Variants in ADAMTS6 observed in about 807,000 individuals in gnomAD.
ADAMTS6 encodes the protein A disintegrin and metalloproteinase with thrombospondin motifs 6.
In ADAMTS6, 23 loss-of-function variants were observed where a neutral mutation model predicts 144.3. The observed-to-expected ratio is 0.16, with a 90% CI of 0.11 to 0.23. The LOEUF is 0.23. ADAMTS6 is among the 10% of genes least tolerant of loss of function. The pLI, the probability that ADAMTS6 is intolerant of heterozygous loss-of-function variation, is 1.00. For synonymous variants in ADAMTS6, 444 were observed against 457.5 expected (o/e 0.97, Z 0.38); for missense variants, 999 against 1,379.6 (o/e 0.72, Z 4.37).
chr5:65,424,116 T>G (rs1756304640), intron 7 of ADAMTS6, among the ~76,000 whole-genome samples: 1 of 152,212 alleles, frequency 6.6e-6, no homozygotes, highest in South Asian at 2.1e-4. Context: ...CTGCGACTAC[T>G]TTTTCTTTTC....
chr5:65,204,705 G>A (rs1286362859), intron 20 of ADAMTS6, among the ~76,000 whole-genome samples: 1 of 152,112 alleles, frequency 6.6e-6, no homozygotes, highest in Non-Finnish European at 1.5e-5. Context: ...GCAAACCTTT[G>A]TTCTTCCTAA....
chr5:65,238,172 A>G (rs968966818), intron 15 of ADAMTS6, among the ~76,000 whole-genome samples: 4 of 152,178 alleles, frequency 2.6e-5, no homozygotes, highest in African/African-American at 4.8e-5. Context: ...AATACAATCA[A>G]TACATGTACA....
chr5:65,183,082 G>C (rs948537117), intron 22 of ADAMTS6, among the ~76,000 whole-genome samples: 3 of 152,140 alleles, frequency 2.0e-5, no homozygotes, highest in African/African-American at 7.2e-5. Flanking sequence ...AAATAGTAAA[G>C]GCACAGAAAT....
intron 7 of ADAMTS6, among the ~76,000 whole-genome samples, chr5:65,346,955 A>T (rs1182715968): frequency 2.2e-5 from 3 of 136,940 alleles, no homozygotes; most frequent in Non-Finnish European, 4.6e-5. Flanking sequence ...CAATACCATT[A>T]AAAAAAAAAA....
intron 22 of ADAMTS6, among the ~76,000 whole-genome samples, chr5:65,183,209 T>C (rs1754467343): frequency 6.6e-6 from 1 of 152,208 alleles, no homozygotes; most frequent in Non-Finnish European, 1.5e-5. Flanking sequence ...TTCCTTCTGC[T>C]TTCTTGAGCC....
chr5:65,359,648 A>G (rs76794337), intron 7 of ADAMTS6, among the ~76,000 whole-genome samples: 6,820 of 152,318 alleles, frequency 0.045, 297 homozygotes, highest in African/African-American at 0.11. Flanking sequence ...TAATGAAAAC[A>G]TTCTACATAA....
chr5:65,458,967 C>G (rs772140652), intron 4 of ADAMTS6, among the ~76,000 whole-genome samples: 10 of 152,186 alleles, frequency 6.6e-5, no homozygotes, highest in Non-Finnish European at 1.2e-4. Context: ...TATGCTATAT[C>G]AAAGCGCATG....
At chr5:65,223,851 G>C (rs996343991) in intron 18 of ADAMTS6, among the ~76,000 whole-genome samples, 3 of 150,030 alleles carry the variant, frequency 2.0e-5, no homozygotes, top group Admixed American at 6.7e-5. Flanking sequence ...CCAGGCTGGA[G>C]TGCAGTGGCA....
intron 7 of ADAMTS6, among the ~76,000 whole-genome samples, chr5:65,348,282 A>G (rs1748534939): frequency 6.6e-6 from 1 of 152,166 alleles, no homozygotes; most frequent in African/African-American, 2.4e-5. Flanking sequence ...CGAATGGATA[A>G]TGAAAATGTG....
chr5:65,285,158 G>A (rs74520640), intron 11 of ADAMTS6, among the ~76,000 whole-genome samples: 4,802 of 152,226 alleles, frequency 0.032, 258 homozygotes, highest in African/African-American at 0.11. Context: ...GACATAATAT[G>A]CCTTAGACAT....
intron 11 of ADAMTS6, among the ~76,000 whole-genome samples, chr5:65,286,998 C>G (rs1294231342): frequency 1.3e-5 from 2 of 152,138 alleles, no homozygotes; most frequent in Non-Finnish European, 2.9e-5. Context: ...GCCAAAGAAA[C>G]ATTTCTTGGA....
At chr5:65,452,519 A>T (rs2150250494) in intron 5 of ADAMTS6, among the ~76,000 whole-genome samples, 188 bp downstream of exon 5, 1 of 151,748 alleles carries the variant, frequency 6.6e-6, no homozygotes, top group Non-Finnish European at 1.5e-5. Flanking sequence ...CTGTCATATT[A>T]TCTAAAAATG....
intron 8 of ADAMTS6, among the ~76,000 whole-genome samples, chr5:65,329,786 A>G (rs1746538089): frequency 6.6e-6 from 1 of 152,148 alleles, no homozygotes; most frequent in African/African-American, 2.4e-5. Context: ...AGGGAATTCA[A>G]GAAAGCATTT....
chr5:65,196,690 C>A (rs1281048004), intron 21 of ADAMTS6, among the ~76,000 whole-genome samples: 1 of 151,570 alleles, frequency 6.6e-6, no homozygotes, highest in Non-Finnish European at 1.5e-5. Context: ...AGTAAGACAC[C>A]ATTAGCTGCA....
At chr5:65,209,222 T>C (rs1004222089) in intron 20 of ADAMTS6, among the ~76,000 whole-genome samples, 1 of 152,254 alleles carries the variant, frequency 6.6e-6, no homozygotes, top group African/African-American at 2.4e-5. Flanking sequence ...CAACTTTCCC[T>C]ACCCAGACAA....
intron 7 of ADAMTS6, among the ~76,000 whole-genome samples, chr5:65,340,207 A>G (rs966212390): frequency 2.6e-5 from 4 of 152,128 alleles, no homozygotes; most frequent in African/African-American, 9.7e-5. Flanking sequence ...CCAGGAGAGA[A>G]TGAGAAGGTG....
At chr5:65,330,985 C>T (rs1746664153) in intron 8 of ADAMTS6, among the ~76,000 whole-genome samples, 1 of 151,776 alleles carries the variant, frequency 6.6e-6, no homozygotes, top group African/African-American at 2.4e-5. Context: ...CCAATCTCCA[C>T]TGAGAGAAAG....
intron 9 of ADAMTS6, among the ~76,000 whole-genome samples, chr5:65,313,622 G>A (rs910483569): frequency 4.6e-5 from 7 of 152,038 alleles, no homozygotes; most frequent in East Asian, 3.9e-4. Flanking sequence ...AACTTATAAC[G>A]TAAATGTGGA....
intron 24 of ADAMTS6, among the ~76,000 whole-genome samples, chr5:65,164,134 T>G (rs886143883): frequency 5.3e-5 from 8 of 151,868 alleles, no homozygotes; most frequent in African/African-American, 1.9e-4. Context: ...TTAATCTCAC[T>G]AGGGAGTGCC....
Sources: allele counts gnomAD v4.1 joint callset (sites outside exome capture counted in the v4.1 genomes callset), GRCh38; gene constraint gnomAD v4.1.1; transcripts MANE v1.5; gene names NCBI Gene and HGNC (gene_info 2026-07-23, HGNC 2026-07-21).